Variants in HECTD3 observed in about 807,000 individuals in gnomAD.
HECTD3 encodes E3 ubiquitin-protein ligase HECTD3.
In HECTD3, 72 loss-of-function variants were observed where a neutral mutation model predicts 109.3. That is an observed-to-expected ratio of 0.66 (90% CI 0.54 to 0.80). The LOEUF is 0.80. HECTD3 is among the 30% of genes least tolerant of loss of function. The probability of loss-of-function intolerance (pLI) is 0.00; values close to 1 mark genes in which losing one functional copy is unlikely to be tolerated. For synonymous variants in HECTD3, 481 were observed against 471.8 expected, an observed-to-expected ratio of 1.02 and a Z score of -0.25; for missense variants, 1,041 against 1,165.2, an observed-to-expected ratio of 0.89 and a Z score of 1.55.
Position 45,007,563 on chromosome 1 carries a change from C to T in HECTD3, c.1353G>A (p.Gln451=). 6.2e-7 allele frequency: 1 copy of T among 1,612,946 alleles called. No individual in the cohort carries two copies. The highest frequency in any genetic ancestry group is 8.5e-7 in the Non-Finnish European group (1 of 1,180,020). ...QVKQFLLLSR[Q]RPGLVAQCLR... ...GGCACTGAGCCACCAGGCCTGGCCG[C>T]TGGCGGGACAGCAGTAGGAACTGCT... The change falls in exon 10 of 21, where the codon CAG becomes CAA. Residue 451 remains glutamine (Q), a synonymous_variant. Coordinates refer to ENST00000372172, the MANE Select transcript of HECTD3 (RefSeq NM_024602.6).
intron 9 of HECTD3, 32 bp downstream of exon 9, chr1:45,008,208 T>C (rs2148978023): frequency 6.4e-7 from 1 of 1,557,856 alleles, no homozygotes. Flanking sequence ...GAAGGGGAAA[T>C]GCCAAGACCA....
At position 45,008,801 on chromosome 1, in the gene HECTD3, G is replaced by A. The variant is rs1644758599; in HGVS notation, c.1073-100C>T. 4.3e-6 allele frequency: 5 copies of A among 1,157,322 alleles called. No individual in the cohort carries two copies. The South Asian group carries it at 5.4e-5, about 12-fold the overall frequency. The allele number at this position is 1,157,322 out of a possible 1,614,324, so 71.7% of individuals were successfully genotyped here. On this transcript the variant is annotated intron_variant, in intron 7 of 20. Coordinates refer to ENST00000372172, the MANE Select transcript of HECTD3 (RefSeq NM_024602.6). ...CTTGAACGCTCAGCCTTGTGTCACC[G>A]TTAGCCCCTAGAAACTCGGGACCTT...
chr1:45,010,408 C>T, intron 2 of HECTD3, 115 bp from the exon 3 acceptor site: 2 of 1,454,834 alleles, frequency 1.4e-6, no homozygotes, highest in South Asian at 1.2e-5. Context: ...TCCGAGCCCC[C>T]TTCACGTCCC....
rs745346826 is a variant in HECTD3 at position 45,008,234 on chromosome 1, G to C, written c.1320+6C>G. The C allele has an allele frequency of 9.3e-6, 15 of 1,611,568 alleles. No homozygotes were observed. The highest frequency in any genetic ancestry group is 1.3e-5 in the Non-Finnish European group (15 of 1,177,816). ...GCCAAGACCAGCACTGGCTGGGTCG[G>C]CTCACCTTAATCTCACTGAAGGTGC... On this transcript the variant is annotated splice_donor_region_variant and intron_variant, in intron 9 of 20. Transcript: ENST00000372172.
At chr1:45,010,320 T>TG in intron 2 of HECTD3, 27 bp from the exon 3 acceptor site, 1 of 1,602,914 alleles carries the variant, frequency 6.2e-7, no homozygotes. Flanking sequence ...GGGAGTGGGA[T>TG]GGGGAGACAT....
rs1644707551 is a variant in HECTD3 at position 45,003,420 on chromosome 1, A to AG, written c.*71dup. ...CACGTCAGCCAAACCAGGGCAGGGA[A>AG]GGTGTCTTCGCCCTGGGCAAGGCCA... On this transcript the variant is annotated 3_prime_UTR_variant, in exon 21 of 21. Coordinates refer to ENST00000372172, the MANE Select transcript of HECTD3 (RefSeq NM_024602.6). This position sits in a 1 kb window ranked among gnomAD's most constrained non-coding sequence, Gnocchi z 4.7. The AG allele has an allele frequency of 7.5e-7, 1 of 1,330,454 alleles. No individual in the cohort carries two copies. Among genetic ancestry groups the AG allele is most frequent in the East Asian group, 2.3e-5 (1 of 43,058 alleles). 82.4% of individuals were successfully genotyped at this position (1,330,454 alleles called of 1,614,324 possible).
At chr1:45,008,492 T>C in intron 8 of HECTD3, 44 bp downstream of exon 8, 2 of 1,593,844 alleles carry the variant, frequency 1.3e-6, no homozygotes, top group Non-Finnish European at 1.7e-6. Flanking sequence ...CAAGGCTCAA[T>C]GTTGGGGGAA....
In HECTD3 at chr1:45,003,745, G is replaced by A; in HGVS notation, c.2430-5C>T. ...AGCGCGTCTGTGGTCTCGTAGCTGG[G>A]GGCATTGAGGGACCATAGGTCAGGA... is the stretch of plus-strand genomic sequence containing the variant. On this transcript the variant is annotated splice_region_variant and splice_polypyrimidine_tract_variant and intron_variant, in intron 19 of 20. Coordinates refer to ENST00000372172, the MANE Select transcript of HECTD3 (RefSeq NM_024602.6). This position sits in a 1 kb window ranked among gnomAD's most constrained non-coding sequence, Gnocchi z 4.7. 6.2e-7 allele frequency: 1 copy of A among 1,614,014 alleles called. No individual in the cohort carries two copies. Among genetic ancestry groups the A allele is most frequent in the Non-Finnish European group, 8.5e-7 (1 of 1,179,968 alleles).
intron 18 of HECTD3, 54 bp downstream of exon 18, chr1:45,004,006 G>C (rs1644712738): frequency 6.2e-7 from 1 of 1,612,244 alleles, no homozygotes; most frequent in South Asian, 1.1e-5. Context: ...CCCTGCCTCT[G>C]CAACTCAGCA....
chr1:45,009,616 T>G lies in HECTD3; in HGVS notation c.827A>C (p.Gln276Pro), dbSNP rs751707683. 6.2e-7 allele frequency: 1 copy of G among 1,614,128 alleles called. No individual in the cohort carries two copies. The highest frequency in any genetic ancestry group is 1.1e-5 in the South Asian group (1 of 91,084). The change falls in exon 5 of 21, where the codon CAG (glutamine) becomes CCG (proline). Residue 276 changes from glutamine to proline, a missense_variant. Around this residue, in one of 2 missense-constraint regions of HECTD3, gnomAD observed 472 missense variants for 449.9 expected, o/e 1.05. Coordinates refer to ENST00000372172, the MANE Select transcript of HECTD3 (RefSeq NM_024602.6). ...ADTYWESDGS[Q>P]CQHWVRLTMK... is the part of the protein sequence containing the mutation. ...AGTAAGCCGTACCCAGTGTTGGCACTGGGACCCATCGCTCTCCCAGTAGGT... is the reference window on the plus strand; with the variant it reads ...AGTAAGCCGTACCCAGTGTTGGCACGGGGACCCATCGCTCTCCCAGTAGGT...
At position 45,003,781 on chromosome 1, in the gene HECTD3, G is replaced by A. The variant is rs371911591; in HGVS notation, c.2430-41C>T. ...GACCATAGGTCAGGAAGATGTGTTG[G>A]GGCACATGTACGTGTGTGGGGAGGG... is the stretch of plus-strand genomic sequence containing the variant. On this transcript the variant is annotated intron_variant, in intron 19 of 20. Coordinates refer to ENST00000372172, the MANE Select transcript of HECTD3 (RefSeq NM_024602.6). The surrounding 1 kb of genome is among the most constrained non-coding windows in gnomAD (Gnocchi z 4.7). 1.2e-5 allele frequency: 19 copies of A among 1,612,512 alleles called. No individual in the cohort carries two copies. The African/African-American group carries it at 2.1e-4, about 18-fold the overall frequency.
rs774195718 is a variant in HECTD3, at chr1:45,003,906, G to A, written c.2378C>T (p.Thr793Met). 8.1e-6 allele frequency: 13 copies of A among 1,613,380 alleles called. No homozygotes were observed. Among genetic ancestry groups the A allele is most frequent in the South Asian group, 1.1e-5 (1 of 91,004 alleles). ...CCGTGCTGGCAGGCGACTGCGGCCC[G>A]TGACAAAGCGCAGGAAGCGGCTCCG... ...EDRSRFLRFV[T>M]GRSRLPARIY... is the part of the protein sequence containing the mutation. Residue 793 changes from threonine to methionine, a missense_variant, in exon 19 of 21, where the codon ACG becomes ATG. Physicochemically the swap from Thr to Met is moderately conservative, Grantham distance 81. Coordinates refer to ENST00000372172, the MANE Select transcript of HECTD3 (RefSeq NM_024602.6). This position sits in a 1 kb window ranked among gnomAD's most constrained non-coding sequence, Gnocchi z 4.7.
rs1359290202 is a variant in HECTD3 at position 45,003,279 on chromosome 1, C to T, written c.*213G>A. 4 of 577,668 alleles carry T rather than the reference C, an allele frequency of 6.9e-6. No individual in the cohort carries two copies. The highest frequency in any genetic ancestry group is 3.0e-5 in the Admixed American group (1 of 33,468). 35.8% of individuals were successfully genotyped at this position (577,668 alleles called of 1,614,324 possible). On this transcript the variant is annotated 3_prime_UTR_variant, in exon 21 of 21. Coordinates refer to ENST00000372172, the MANE Select transcript of HECTD3 (RefSeq NM_024602.6). The surrounding 1 kb of genome is among the most constrained non-coding windows in gnomAD (Gnocchi z 4.7). ...AGGTGAAATACCTCGGGAAGCAAGC[C>T]CCAGCACGGGTAGGGCTTGTGGGTC...
intron 9 of HECTD3, 31 bp downstream of exon 9, chr1:45,008,209 G>A (rs922545713): frequency 2.6e-6 from 4 of 1,561,670 alleles, no homozygotes; most frequent in Non-Finnish European, 3.5e-6. Flanking sequence ...AAGGGGAAAT[G>A]CCAAGACCAG....
At position 45,009,558 on chromosome 1, in the gene HECTD3, G is replaced by A. The variant is rs747995498; in HGVS notation, c.875+10C>T. ...GCCCACCCACCCTGTCCTGCCCAGA[G>A]CCTACTTACTTGACAATGGTGCCCT... On this transcript the variant is annotated intron_variant, in intron 5 of 20. Coordinates refer to ENST00000372172, the MANE Select transcript of HECTD3 (RefSeq NM_024602.6). The A allele has an allele frequency of 9.3e-6, 15 of 1,610,396 alleles. No individual in the cohort carries two copies. The South Asian group carries it at 9.9e-5, about 11-fold the overall frequency.
In HECTD3 at chr1:45,009,973, C is replaced by T; in HGVS notation, c.759+13G>A. 6.6e-7 allele frequency: 1 copy of T among 1,523,658 alleles called. No homozygotes were observed. Among genetic ancestry groups the T allele is most frequent in the Non-Finnish European group, 8.8e-7 (1 of 1,134,370 alleles). 94.4% of individuals were successfully genotyped at this position (1,523,658 alleles called of 1,614,324 possible). A position where few individuals can be genotyped will look rare whatever the true frequency, so the allele number is the denominator to read the frequency against. On this transcript the variant is annotated intron_variant, in intron 4 of 20. Coordinates refer to ENST00000372172, the MANE Select transcript of HECTD3 (RefSeq NM_024602.6). ...TATATCTTGCCTGGGGTGGGAGGAG[C>T]CCCAGCACCCACCGTGTAGGAGGAA...
In HECTD3 at chr1:45,010,883, G is replaced by GC; in HGVS notation, c.369+5dup. On this transcript the variant is annotated splice_donor_region_variant and intron_variant, in intron 1 of 20. Coordinates refer to ENST00000372172, the MANE Select transcript of HECTD3 (RefSeq NM_024602.6). ...TTTACCGGGTCCTGGGCAGGGAAGA[G>GC]CGCACCTTTGTCAGCTTCACCCAGA... is the stretch of plus-strand genomic sequence containing the variant. 6.6e-7 allele frequency: 1 copy of GC among 1,518,206 alleles called. No homozygotes were observed. The highest frequency in any genetic ancestry group is 8.7e-7 in the Non-Finnish European group (1 of 1,144,574). The allele number at this position is 1,518,206 out of a possible 1,614,324, so 94.0% of individuals were successfully genotyped here. A position where few individuals can be genotyped will look rare whatever the true frequency, so the allele number is the denominator to read the frequency against.
intron 9 of HECTD3, 83 bp from the exon 10 acceptor site, chr1:45,007,678 T>C: frequency 2.6e-6 from 3 of 1,157,684 alleles, no homozygotes; most frequent in Non-Finnish European, 3.7e-6. Flanking sequence ...TCTGCCTGTA[T>C]CCAATTCCAC....
intron 4 of HECTD3, 37 bp downstream of exon 4, chr1:45,009,949 A>G (rs766638625): frequency 4.0e-6 from 6 of 1,517,364 alleles, no homozygotes; most frequent in East Asian, 2.3e-5. Flanking sequence ...GGGTGTGACT[A>G]TATCTTGCCT....
Sources: allele counts gnomAD v4.1 joint callset, GRCh38; gene constraint gnomAD v4.1.1; regional missense constraint gnomAD v4.1.1; non-coding constraint Gnocchi (gnomAD v3.1); transcripts MANE v1.5; gene names NCBI Gene and HGNC (gene_info 2026-07-23, HGNC 2026-07-21).